The following LRIG1 variants were observed in gnomAD, a reference collection of about 807,000 sequenced individuals.
LRIG1 encodes the protein leucine-rich repeats and immunoglobulin-like domains protein 1.
In LRIG1, 48 loss-of-function variants were observed where a neutral mutation model predicts 99.2. The observed-to-expected ratio is 0.48, with a 90% CI of 0.38 to 0.62. The LOEUF is 0.62. Ranked by LOEUF, LRIG1 falls within the 20% of genes least tolerant of loss-of-function variation. The probability of loss-of-function intolerance (pLI) is 0.00; values close to 1 mark genes in which losing one functional copy is unlikely to be tolerated. For synonymous variants in LRIG1, 772 were observed against 596.1 expected, an observed-to-expected ratio of 1.29 and a Z score of -4.30; for missense variants, 1,646 against 1,434.4, an observed-to-expected ratio of 1.15 and a Z score of -2.38.
intron 13 of LRIG1, among the ~76,000 whole-genome samples, chr3:66,385,110 G>A (rs1295047226): frequency 1.3e-5 from 2 of 152,146 alleles, no homozygotes; most frequent in Non-Finnish European, 2.9e-5. Flanking sequence ...TTAGGTTACT[G>A]GGGTGGGACA....
intron 7 of LRIG1, among the ~76,000 whole-genome samples, chr3:66,407,737 G>A (rs1360096591): frequency 2.6e-5 from 4 of 152,210 alleles, no homozygotes; most frequent in Non-Finnish European, 4.4e-5. Context: ...TAGGTCACAG[G>A]GGCCAGGGTG....
intron 3 of LRIG1, among the ~76,000 whole-genome samples, chr3:66,439,121 G>A (rs1703459410): frequency 6.6e-6 from 1 of 152,216 alleles, no homozygotes; most frequent in Non-Finnish European, 1.5e-5. Context: ...GGAAAGCCAG[G>A]TGGTGAAAGG....
intron 3 of LRIG1, among the ~76,000 whole-genome samples, chr3:66,423,443 T>C (rs1030052446): frequency 1.3e-5 from 2 of 152,126 alleles, no homozygotes; most frequent in African/African-American, 4.8e-5. Context: ...TGGTGGCGCA[T>C]GCCTGTAATC....
At chr3:66,417,413 A>G in intron 3 of LRIG1, 147 bp from the exon 4 acceptor site, 1 of 848,200 alleles carries the variant, frequency 1.2e-6, no homozygotes, top group South Asian at 1.7e-5. Context: ...TTTTCCCATC[A>G]AGTTATTACC....
At chr3:66,466,565 A>G (rs1700478124) in intron 1 of LRIG1, among the ~76,000 whole-genome samples, 1 of 152,202 alleles carries the variant, frequency 6.6e-6, no homozygotes, top group Admixed American at 6.5e-5. Flanking sequence ...AGTAATTAAG[A>G]AAATACACTT....
intron 1 of LRIG1, among the ~76,000 whole-genome samples, chr3:66,481,301 G>C (rs183867757): frequency 5.3e-5 from 8 of 152,340 alleles, no homozygotes; most frequent in Non-Finnish European, 1.0e-4. Flanking sequence ...AGAGTGCAAA[G>C]TTCACTCTGA....
intron 1 of LRIG1, among the ~76,000 whole-genome samples, chr3:66,473,000 A>G (rs1432810190): frequency 6.6e-6 from 1 of 152,234 alleles, no homozygotes; most frequent in Non-Finnish European, 1.5e-5. Flanking sequence ...AGATTAAAAA[A>G]AAAGCAAACT....
chr3:66,391,137 CCAAAATAAAAAAGA>C (rs1354847784), intron 12 of LRIG1, among the ~76,000 whole-genome samples: 1 of 151,996 alleles, frequency 6.6e-6, no homozygotes, highest in Non-Finnish European at 1.5e-5. Context: ...ACGAGTACAT[CCAAAATAAAAAAGA>C]CAGTTAATAA....
At chr3:66,413,445 A>G (rs1359983381) in intron 5 of LRIG1, among the ~76,000 whole-genome samples, 4 of 152,218 alleles carry the variant, frequency 2.6e-5, no homozygotes, top group Non-Finnish European at 4.4e-5. Flanking sequence ...CAACCCAGGA[A>G]AAACCAAACC....
intron 2 of LRIG1, among the ~76,000 whole-genome samples, chr3:66,455,942 A>G (rs2106820363): frequency 6.6e-6 from 1 of 152,364 alleles, no homozygotes; most frequent in South Asian, 2.1e-4. Flanking sequence ...TAAGTTTTCT[A>G]TGTGCAATAT....
chr3:66,414,370 TG>T (rs1702558897), intron 5 of LRIG1, among the ~76,000 whole-genome samples: 3 of 151,726 alleles, frequency 2.0e-5, no homozygotes, highest in Non-Finnish European at 4.4e-5. Flanking sequence ...GCACCCCACC[TG>T]GGGGACAGAG....
Position 66,394,139 on chromosome 3 carries a change from C to G in LRIG1, c.1369G>C (p.Gly457Arg). ...GTCACAAAGGCCTGCAGCATCCTGC[C>G]AATTAGCCACGGGGGCAGCCACTTC... ...QLKWLPPWLI[G>R]RMLQAFVTAT... Residue 457 changes from glycine (G) to arginine (R), a missense_variant, in exon 12 of 19, where the codon GGC becomes CGC. Coordinates refer to ENST00000273261, the MANE Select transcript of LRIG1 (RefSeq NM_015541.3). 1 of 1,611,954 alleles carries G rather than the reference C, an allele frequency of 6.2e-7. No individual in the cohort carries two copies.
At chr3:66,462,593 CCCCCACCCTCAAAT>C in intron 1 of LRIG1, 84 bp from the exon 2 acceptor site, 1 of 893,610 alleles carries the variant, frequency 1.1e-6, no homozygotes, top group Non-Finnish European at 1.8e-6. Flanking sequence ...TCTCCTGGCT[CCCCCACCCTCAAAT>C]CCAAGCCCCC....
chr3:66,459,856 A>G (rs138307433), intron 2 of LRIG1, among the ~76,000 whole-genome samples: 39 of 152,366 alleles, frequency 2.6e-4, no homozygotes, highest in African/African-American at 8.7e-4. Flanking sequence ...CAAAATATGA[A>G]AAGTTTAAAT....
chr3:66,446,343 T>C (rs776775860), intron 3 of LRIG1, among the ~76,000 whole-genome samples: 1 of 151,766 alleles, frequency 6.6e-6, no homozygotes, highest in Non-Finnish European at 1.5e-5. Context: ...TTCCAAGTTT[T>C]ATTCTCCAGA....
At chr3:66,483,811 C>T (rs1700905436) in intron 1 of LRIG1, among the ~76,000 whole-genome samples, 1 of 150,398 alleles carries the variant, frequency 6.6e-6, no homozygotes, top group Non-Finnish European at 1.5e-5. Context: ...CGCGGGCTCC[C>T]TCGCCAAACG....
At position 66,461,304 on chromosome 3, in the gene LRIG1, T is replaced by TAAAC. The variant is rs561157168; in HGVS notation, c.290+1130_290+1133dup. On this transcript the variant is annotated intron_variant, in intron 2 of 18. Coordinates refer to ENST00000273261, the MANE Select transcript of LRIG1 (RefSeq NM_015541.3). ...TGGGCAACAGAGCGAGACCCTGTCT[T>TAAAC]AAACAAACAAACAAACAAACAAAAA... Among the ~76,000 whole-genome samples the TAAAC allele has an allele frequency of 4.3e-3, 657 of 152,084 alleles. 3 individuals are homozygous for TAAAC. The highest frequency in any genetic ancestry group is 0.015 in the African/African-American group (627 of 41,476).
In LRIG1 at chr3:66,457,635, G is replaced by T. The variant is rs6786631; in HGVS notation, c.290+4803C>A. On this transcript the variant is annotated intron_variant, in intron 2 of 18. Coordinates refer to ENST00000273261, the MANE Select transcript of LRIG1 (RefSeq NM_015541.3). Reference sequence around the variant, plus strand: ...TACAGTAACACCAACAATGTGTTACGATGTCAATGTTACAGAAGAAAGAAA... The same window carrying T: ...TACAGTAACACCAACAATGTGTTACTATGTCAATGTTACAGAAGAAAGAAA... Among the ~76,000 whole-genome samples, 967 of 152,278 alleles carry T rather than the reference G, an allele frequency of 6.4e-3. 10 individuals are homozygous for T. The highest frequency in any genetic ancestry group is 0.021 in the African/African-American group (889 of 41,552).
Position 66,383,898 on chromosome 3 carries a change from C to T in LRIG1, c.2071+93G>A, listed in dbSNP as rs529269805. Reference sequence around the variant, plus strand: ...TCAAACAGGGTCGAAAGGCCCACAACGCATACCACCCCTGGCCACACAGAG... The same window carrying T: ...TCAAACAGGGTCGAAAGGCCCACAATGCATACCACCCCTGGCCACACAGAG... On this transcript the variant is annotated intron_variant, in intron 14 of 18. Coordinates refer to ENST00000273261, the MANE Select transcript of LRIG1 (RefSeq NM_015541.3). The T allele has an allele frequency of 1.8e-3, 2,786 of 1,507,814 alleles. 6 individuals carry two copies. The highest frequency in any genetic ancestry group is 2.3e-3 in the Non-Finnish European group (2,557 of 1,123,184). The allele number at this position is 1,507,814 out of a possible 1,614,324, so 93.4% of individuals were successfully genotyped here.
Sources: allele counts gnomAD v4.1 joint callset (sites outside exome capture counted in the v4.1 genomes callset), GRCh38; gene constraint gnomAD v4.1.1; transcripts MANE v1.5; gene names NCBI Gene and HGNC (gene_info 2026-07-23, HGNC 2026-07-21).